Variants in CRTAM observed in about 807,000 individuals in gnomAD.
CRTAM encodes cytotoxic and regulatory T-cell molecule.
Under a neutral mutation model 50.0 loss-of-function variants are expected in CRTAM, and 44 were observed. The observed-to-expected ratio is 0.88, with a 90% CI of 0.69 to 1.13. The LOEUF (loss-of-function observed/expected upper bound fraction) is 1.13. Among genes scored for constraint, CRTAM ranks in the 50% most tolerant of loss-of-function variants. The pLI is 0.00. For synonymous variants in CRTAM, 159 were observed against 169.3 expected, an observed-to-expected ratio of 0.94 and a Z score of 0.47; for missense variants, 448 against 457.5, an observed-to-expected ratio of 0.98 and a Z score of 0.19.
At position 122,854,073 on chromosome 11, in the gene CRTAM, C is replaced by G; in HGVS notation, c.477C>G (p.Ser159Arg). The part of the protein sequence containing the change: ...PPQITWLLGN[S>R]MEVSGGTLHE... ...AGATAACCTGGCTACTTGGGAATAGCATGGAAGTGTCCGGTAAGGGGAGAA... is the reference window on the plus strand; with the variant it reads ...AGATAACCTGGCTACTTGGGAATAGGATGGAAGTGTCCGGTAAGGGGAGAA... Residue 159 changes from serine (S) to arginine (R), a missense_variant, in exon 4 of 10, where the codon AGC (serine) becomes AGG (arginine). Coordinates refer to ENST00000227348, the MANE Select transcript of CRTAM (RefSeq NM_019604.4). 7.4e-6 allele frequency: 12 copies of G among 1,613,328 alleles called. No homozygotes were observed. The highest frequency in any genetic ancestry group is 1.0e-5 in the Non-Finnish European group (12 of 1,179,748).
In CRTAM at chr11:122,855,736, A is replaced by G. The variant is rs1201068863; in HGVS notation, c.532A>G (p.Asn178Asp). 18 of 1,614,066 alleles carry G rather than the reference A, an allele frequency of 1.1e-5. No individual in the cohort carries two copies. Among genetic ancestry groups the G allele is most frequent in the Non-Finnish European group, 1.3e-5 (15 of 1,179,906 alleles). Reference protein sequence around the residue: ...HEFETDGKKCNTTSTLIIHTY... With the variant: ...HEFETDGKKCDTTSTLIIHTY... The stretch of plus-strand genomic sequence containing the variant: ...ATTTGAAACTGATGGGAAGAAATGT[A>G]ATACTACCAGCACTCTCATAATCCA... The change falls in exon 5 of 10, where the codon AAT (asparagine) becomes GAT (aspartate). Residue 178 changes from asparagine (N) to aspartate (D), a missense_variant. Asn to Asp is a conservative substitution (Grantham distance 23, BLOSUM62 1). Coordinates refer to ENST00000227348, the MANE Select transcript of CRTAM (RefSeq NM_019604.4).
chr11:122,861,688 A>G (rs921090225), intron 5 of CRTAM, among the ~76,000 whole-genome samples: 2 of 151,546 alleles, frequency 1.3e-5, no homozygotes, highest in African/African-American at 4.8e-5. Context: ...CGATCCACCC[A>G]CCTCAGCCTT....
intron 1 of CRTAM, among the ~76,000 whole-genome samples, chr11:122,848,048 A>G (rs1000517833): frequency 6.6e-6 from 1 of 152,318 alleles, no homozygotes; most frequent in East Asian, 1.9e-4. Context: ...TTACACTGCA[A>G]CTGTGGGCTT....
chr11:122,851,230 C>A (rs1418856387), intron 2 of CRTAM, among the ~76,000 whole-genome samples: 2 of 149,248 alleles, frequency 1.3e-5, no homozygotes, highest in Non-Finnish European at 3.0e-5. Flanking sequence ...AGTGCCACTG[C>A]ACTCCAGCCT....
intron 1 of CRTAM, among the ~76,000 whole-genome samples, chr11:122,840,445 G>A (rs1020789344): frequency 8.6e-5 from 13 of 151,960 alleles, no homozygotes; most frequent in Admixed American, 4.6e-4. Flanking sequence ...GTGTGTACTA[G>A]TTGTGACAGA....
Position 122,855,821 on chromosome 11 carries a change from G to C in CRTAM, c.617G>C (p.Arg206Thr), listed in dbSNP as rs758610982. The change falls in exon 5 of 10, where the codon AGA (arginine) becomes ACA (threonine). Residue 206 changes from arginine (R) to threonine (T), a missense_variant. Transcript: ENST00000227348. ...ATCCGACACAGAGGCCTGCAAGGGAGAAAACTAGTAGCACCCTTCCGGTTT... is the reference window on the plus strand; with the variant it reads ...ATCCGACACAGAGGCCTGCAAGGGACAAAACTAGTAGCACCCTTCCGGTTT... ...CIIRHRGLQG[R>T]KLVAPFRFED... 6.2e-7 allele frequency: 1 copy of C among 1,614,080 alleles called. No homozygotes were observed. The highest frequency in any genetic ancestry group is 8.5e-7 in the Non-Finnish European group (1 of 1,179,962).
chr11:122,851,904 G>A (rs903715973), intron 3 of CRTAM, 59 bp downstream of exon 3: 22 of 1,499,986 alleles, frequency 1.5e-5, no homozygotes, highest in Middle Eastern at 1.7e-4. Context: ...ACGATATGTC[G>A]TTTTTAAACT....
At chr11:122,839,840 T>G (rs1861777881) in intron 1 of CRTAM, among the ~76,000 whole-genome samples, 1 of 152,216 alleles carries the variant, frequency 6.6e-6, no homozygotes, top group Non-Finnish European at 1.5e-5. Context: ...TTTAAAAAAC[T>G]CGATTTCCTA....
At chr11:122,868,304 A>G (rs2135256713) in intron 9 of CRTAM, among the ~76,000 whole-genome samples, 1 of 150,796 alleles carries the variant, frequency 6.6e-6, no homozygotes, top group Middle Eastern at 3.4e-3. Flanking sequence ...CTTGGACAGG[A>G]GGTCTGCAAA....
At chr11:122,866,404 T>C (rs1862175195) in intron 7 of CRTAM, among the ~76,000 whole-genome samples, 1 of 152,096 alleles carries the variant, frequency 6.6e-6, no homozygotes, top group Admixed American at 6.5e-5. Flanking sequence ...ATTTGACATA[T>C]CTTACTTTTG....
At chr11:122,863,425 C>T (rs938778305) in intron 6 of CRTAM, among the ~76,000 whole-genome samples, 1 of 152,052 alleles carries the variant, frequency 6.6e-6, no homozygotes, top group African/African-American at 2.4e-5. Flanking sequence ...TTAGCCTCAT[C>T]CAGAAAGGCA....
Position 122,850,050 on chromosome 11 carries a change from A to G in CRTAM, c.47-18A>G, listed in dbSNP as rs201609423. On this transcript the variant is annotated intron_variant, in intron 1 of 9. Coordinates refer to ENST00000227348, the MANE Select transcript of CRTAM (RefSeq NM_019604.4). ...GTGGACCCCCGGCCTGATCATCCCC[A>G]TTTCTCTTCCTCCACAGAGGCCTCT... The G allele has an allele frequency of 2.2e-5, 35 of 1,578,450 alleles. No individual in the cohort carries two copies. The highest frequency in any genetic ancestry group is 2.8e-5 in the Non-Finnish European group (32 of 1,157,860).
At chr11:122,868,206 G>GTGTGTGTGTT (rs1862206555) in intron 9 of CRTAM, 107 bp downstream of exon 9, 1 of 593,950 alleles carries the variant, frequency 1.7e-6, no homozygotes, top group Admixed American at 3.0e-5. Context: ...GTGTGTGTGT[G>GTGTGTGTGTT]TGTGTGTGTG....
intron 3 of CRTAM, among the ~76,000 whole-genome samples, chr11:122,853,255 A>C (rs1861957877): frequency 6.6e-6 from 1 of 151,638 alleles, no homozygotes. Context: ...TTTAGTAGAG[A>C]TGGGGTTTCA....
At chr11:122,850,462 A>G (rs1591350369) in intron 2 of CRTAM, among the ~76,000 whole-genome samples, 1 of 152,154 alleles carries the variant, frequency 6.6e-6, no homozygotes, top group Non-Finnish European at 1.5e-5. Context: ...TACAAAGCAC[A>G]TTTCCATGTC....
chr11:122,852,695 C>A (rs1861947577), intron 3 of CRTAM, among the ~76,000 whole-genome samples: 1 of 152,178 alleles, frequency 6.6e-6, no homozygotes, highest in Admixed American at 6.5e-5. Flanking sequence ...AGCACACATC[C>A]TGGCTCAGCT....
chr11:122,868,164 C>G lies in CRTAM; in HGVS notation c.1051+65C>G, dbSNP rs975626164. 1.9e-5 allele frequency: 18 copies of G among 961,708 alleles called. No individual in the cohort carries two copies. The South Asian group carries it at 2.4e-4, about 13-fold the overall frequency. The allele number at this position is 961,708 out of a possible 1,614,324, so 59.6% of individuals were successfully genotyped here. On this transcript the variant is annotated intron_variant, in intron 9 of 9. Coordinates refer to ENST00000227348, the MANE Select transcript of CRTAM (RefSeq NM_019604.4). ...TCATTAATGTATTAGTCAGATTTCT[C>G]CAGAGAGACAGAGACAACAGAATAT... is the stretch of plus-strand genomic sequence containing the variant.
chr11:122,839,966 G>T (rs1181519109), intron 1 of CRTAM, among the ~76,000 whole-genome samples: 11 of 152,048 alleles, frequency 7.2e-5, no homozygotes, highest in African/African-American at 2.4e-4. Flanking sequence ...AATAATATTA[G>T]TTTCTTCATT....
At chr11:122,849,534 C>T (rs577411663) in intron 1 of CRTAM, among the ~76,000 whole-genome samples, 1 of 152,192 alleles carries the variant, frequency 6.6e-6, no homozygotes, top group East Asian at 1.9e-4. Context: ...CCAGCCTGGC[C>T]AACATAGTAA....
Sources: gnomAD v4.1 joint callset for allele counts (sites outside exome capture counted in the v4.1 genomes callset) on GRCh38, gnomAD v4.1.1 for gene constraint, MANE v1.5 for transcripts, NCBI Gene and HGNC (gene_info 2026-07-23, HGNC 2026-07-21) for gene names.